The following CAST variants were observed in gnomAD, a reference collection of about 807,000 sequenced individuals.
The protein encoded by CAST is calpastatin.
A neutral mutation model predicts 119.6 loss-of-function variants in CAST; 76 were observed. That is an observed-to-expected ratio of 0.64 (90% CI 0.53 to 0.77). The LOEUF (loss-of-function observed/expected upper bound fraction) is 0.77, where lower values mean the gene tolerates loss of function less well. CAST is among the 30% of genes least tolerant of loss of function. The probability of loss-of-function intolerance (pLI) is 0.00; values close to 1 mark genes in which losing one functional copy is unlikely to be tolerated. For synonymous variants in CAST, 319 were observed against 331.6 expected (o/e 0.96, Z 0.41); for missense variants, 953 against 946.5 (o/e 1.01, Z -0.09).
chr5:96,258,637 G>A, the CAST span, among the ~76,000 whole-genome samples: 1 of 152,074 alleles, frequency 6.6e-6, no homozygotes, highest in Non-Finnish European at 1.5e-5. Context: ...AGGAATTCAG[G>A]GATGCATGAC....
the CAST span, chr5:96,423,394 T>G: frequency 1.1e-5 from 18 of 1,613,726 alleles, no homozygotes; most frequent in African/African-American, 2.4e-4. Context: ...CCGTAATGCC[T>G]TTTTGCCAAA....
chr5:96,598,613 A>C (rs556296737), intron 1 of CAST, among the ~76,000 whole-genome samples: 60 of 152,328 alleles, frequency 3.9e-4, no homozygotes, highest in Middle Eastern at 3.4e-3. Flanking sequence ...AGAAAAATGG[A>C]AAATAATCAC....
intron 24 of CAST, among the ~76,000 whole-genome samples, chr5:96,758,250 T>G (rs568848227): frequency 6.6e-6 from 1 of 152,330 alleles, no homozygotes; most frequent in African/African-American, 2.4e-5. Flanking sequence ...CCTATTGATA[T>G]TTCTACAATT....
chr5:96,167,727 C>T, the CAST span, among the ~76,000 whole-genome samples: 8,271 of 152,192 alleles, frequency 0.054, 739 homozygotes, highest in African/African-American at 0.18. Context: ...GAAATGACGG[C>T]GGTGGCCTTC....
the CAST span, among the ~76,000 whole-genome samples, chr5:96,108,910 G>A: frequency 4.5e-4 from 69 of 152,342 alleles, no homozygotes; most frequent in African/African-American, 1.2e-3. Flanking sequence ...AGCCATGTGC[G>A]GGATATAATC....
the CAST span, among the ~76,000 whole-genome samples, chr5:96,255,348 A>G: frequency 2.0e-5 from 3 of 152,202 alleles, no homozygotes; most frequent in Non-Finnish European, 2.9e-5. Flanking sequence ...CTCTTCCCAA[A>G]ACCATCAATT....
chr5:96,373,395 G>A, the CAST span, among the ~76,000 whole-genome samples: 6 of 152,174 alleles, frequency 3.9e-5, no homozygotes, highest in Non-Finnish European at 5.9e-5. Context: ...CCCAAAATAC[G>A]TAGACAAACC....
chr5:96,772,293 T>C, intron 31 of CAST: 1 of 153,756 alleles, frequency 6.5e-6, no homozygotes, highest in Non-Finnish European at 1.5e-5. Flanking sequence ...AACTGGGCCC[T>C]TATCTTAATC....
the CAST span, among the ~76,000 whole-genome samples, chr5:96,186,576 A>C: frequency 2.0e-5 from 3 of 152,328 alleles, no homozygotes; most frequent in East Asian, 3.9e-4. Flanking sequence ...GAATTTTATC[A>C]AAAGCTTTTT....
chr5:95,966,786 T>C, the CAST span, among the ~76,000 whole-genome samples: 1 of 152,284 alleles, frequency 6.6e-6, no homozygotes, highest in Non-Finnish European at 1.5e-5. Flanking sequence ...CTCTCTCTAT[T>C]CCTTGCCTTT....
chr5:95,977,617 T>C, the CAST span, among the ~76,000 whole-genome samples: 2 of 152,228 alleles, frequency 1.3e-5, no homozygotes, highest in African/African-American at 4.8e-5. Context: ...TATGATAGAT[T>C]CTTCCATGAT....
chr5:96,302,444 C>T, the CAST span, among the ~76,000 whole-genome samples: 25 of 152,220 alleles, frequency 1.6e-4, 1 homozygote, highest in Middle Eastern at 6.8e-3. Context: ...AATTCCTCCC[C>T]GAGAAAATGG....
chr5:95,999,449 A>C, the CAST span, among the ~76,000 whole-genome samples: 1 of 152,168 alleles, frequency 6.6e-6, no homozygotes, highest in Admixed American at 6.5e-5. Context: ...TCCCAGGCTC[A>C]AACGATCCTC....
chr5:96,380,435 A>G, the CAST span, among the ~76,000 whole-genome samples: 2 of 152,234 alleles, frequency 1.3e-5, no homozygotes, highest in African/African-American at 4.8e-5. Context: ...TTCCTGAAGA[A>G]AAATATTTGT....
the CAST span, among the ~76,000 whole-genome samples, chr5:96,324,852 G>C: frequency 6.6e-6 from 1 of 151,908 alleles, no homozygotes; most frequent in African/African-American, 2.4e-5. Flanking sequence ...GAGTAAACAG[G>C]TTCTTATATA....
At chr5:96,174,001 C>T in the CAST span, among the ~76,000 whole-genome samples, 1 of 152,082 alleles carries the variant, frequency 6.6e-6, no homozygotes, top group Non-Finnish European at 1.5e-5. Flanking sequence ...CTTAGACTTC[C>T]GAAGTGCTGG....
At chr5:96,406,355 T>A in the CAST span, among the ~76,000 whole-genome samples, 1 of 152,156 alleles carries the variant, frequency 6.6e-6, no homozygotes, top group Non-Finnish European at 1.5e-5. Context: ...TTCATAGATT[T>A]TTGTCTTTTG....
At chr5:96,529,221 A>G (rs927856490), upstream of CAST, among the ~76,000 whole-genome samples, 1 of 152,208 alleles carries the variant, frequency 6.6e-6, no homozygotes, top group African/African-American at 2.4e-5. Flanking sequence ...TGGGTCAAGT[A>G]AGGATAAAAG....
the CAST span, among the ~76,000 whole-genome samples, chr5:96,096,298 A>G: frequency 6.6e-6 from 1 of 152,232 alleles, no homozygotes; most frequent in Non-Finnish European, 1.5e-5. Context: ...AAAGTTGTTC[A>G]TTAAATGAAA....
Sources: gnomAD v4.1 joint callset for allele counts (sites outside exome capture counted in the v4.1 genomes callset) on GRCh38, gnomAD v4.1.1 for gene constraint, MANE v1.5 for transcripts, NCBI Gene and HGNC (gene_info 2026-07-23, HGNC 2026-07-21) for gene names.